TOX4: variants seen among roughly 807,000 people sequenced by gnomAD.
The protein encoded by TOX4 is TOX high mobility group box family member 4.
A neutral mutation model predicts 61.0 loss-of-function variants in TOX4; 12 were observed. The observed-to-expected ratio is 0.20, with a 90% CI of 0.13 to 0.32. The LOEUF is 0.32. Among genes scored for constraint, TOX4 ranks in the 10% least tolerant of loss-of-function variants. The probability of loss-of-function intolerance (pLI) is 1.00; values close to 1 mark genes in which losing one functional copy is unlikely to be tolerated. For missense variants in TOX4, 499 were observed against 753.3 expected (o/e 0.66, Z 3.95); for synonymous variants, 268 against 274.8 (o/e 0.98, Z 0.24).
intron 5 of TOX4, 31 bp from the exon 6 acceptor site, chr14:21,492,260 AGTTTT>A: frequency 2.7e-6 from 4 of 1,504,722 alleles, no homozygotes; most frequent in Non-Finnish European, 3.6e-6. Context: ...GAGTATGGGG[AGTTTT>A]GTTTTTTTTT....
At chr14:21,495,083 G>A (rs1891372332) in intron 7 of TOX4, 146 bp from the exon 8 acceptor site, 1 of 800,664 alleles carries the variant, frequency 1.2e-6, no homozygotes, top group African/African-American at 1.7e-5. Context: ...GGGAGACCAA[G>A]AACTCACCTT....
chr14:21,480,814 G>A (rs1200623580), intron 2 of TOX4, among the ~76,000 whole-genome samples: 1 of 152,212 alleles, frequency 6.6e-6, no homozygotes, highest in Non-Finnish European at 1.5e-5. Context: ...GCAAAGGCCA[G>A]GCGTGGTGGC....
intron 2 of TOX4, among the ~76,000 whole-genome samples, chr14:21,481,737 T>G (rs566952098): frequency 6.6e-6 from 1 of 152,346 alleles, no homozygotes; most frequent in African/African-American, 2.4e-5. Flanking sequence ...AAAGGAATAC[T>G]ACACAGATAT....
chr14:21,481,793 T>C (rs1432851188), intron 2 of TOX4, among the ~76,000 whole-genome samples: 1 of 152,196 alleles, frequency 6.6e-6, no homozygotes. Flanking sequence ...AACAATATTT[T>C]GTTGAGTAGA....
At chr14:21,488,917 G>A (rs1327828113) in intron 4 of TOX4, 67 bp downstream of exon 4, 51 of 1,583,832 alleles carry the variant, frequency 3.2e-5, no homozygotes, top group Non-Finnish European at 4.3e-5. Flanking sequence ...GGGATACAGA[G>A]CCTAATCAGT....
chr14:21,490,748 T>C lies in TOX4; in HGVS notation c.810+1345T>C, dbSNP rs144703365. 4.7e-4 allele frequency among the ~76,000 whole-genome samples: 72 copies of C among 152,354 alleles called. 1 individual carries two copies. The East Asian group carries it at 0.012, about 26-fold the overall frequency. ...TAAGTCTCATTTTTTCCCCCATTTA[T>C]AAAATTAGGCTATTACTTGATAAGC... On this transcript the variant is annotated intron_variant, in intron 5 of 8. Transcript: ENST00000448790.
chr14:21,485,841 G>A (rs1315612067), intron 2 of TOX4, among the ~76,000 whole-genome samples: 1 of 95,150 alleles, frequency 1.1e-5, no homozygotes, highest in African/African-American at 4.1e-5. Context: ...ACTCCAGCCT[G>A]GGCCACGGAG....
chr14:21,477,243 A>G lies in TOX4; in HGVS notation c.-36A>G. Reference sequence around the variant, plus strand: ...GAGTCCAGTGGGGGCGGTGGGAGCGATGAGGGTCTGAGACGGTGGGAGCGG... The same window carrying G: ...GAGTCCAGTGGGGGCGGTGGGAGCGGTGAGGGTCTGAGACGGTGGGAGCGG... On this transcript the variant is annotated 5_prime_UTR_variant, in exon 1 of 9. The change abolishes an upstream ATG in the 5' untranslated region. Coordinates refer to ENST00000448790, the MANE Select transcript of TOX4 (RefSeq NM_014828.4). 5 of 1,613,828 alleles carry G rather than the reference A, an allele frequency of 3.1e-6. No individual in the cohort carries two copies. Among genetic ancestry groups the G allele is most frequent in the Non-Finnish European group, 3.4e-6 (4 of 1,179,852 alleles).
chr14:21,492,145 C>T (rs1891303675), intron 5 of TOX4, 151 bp from the exon 6 acceptor site: 2 of 725,502 alleles, frequency 2.8e-6, no homozygotes, highest in Non-Finnish European at 4.5e-6. Flanking sequence ...GTTGTCTTGA[C>T]TGTTAGCTTT....
rs774364718 is a variant in TOX4, at chr14:21,497,951, C to T, written c.*1345C>T. 2.9e-5 allele frequency: 7 copies of T among 243,560 alleles called. No homozygotes were observed. The highest frequency in any genetic ancestry group is 4.8e-5 in the Non-Finnish European group (6 of 125,556). 15.1% of individuals were successfully genotyped at this position (243,560 alleles called of 1,614,324 possible). A position where few individuals can be genotyped will look rare whatever the true frequency, so the allele number is the denominator to read the frequency against. On this transcript the variant is annotated 3_prime_UTR_variant, in exon 9 of 9. Coordinates refer to ENST00000448790, the MANE Select transcript of TOX4 (RefSeq NM_014828.4). ...TCCTACCTCGGCTTCCCAAAGTGCT[C>T]GGATTACAGGTGTGAGCCACTGTGC...
Position 21,493,259 on chromosome 14 carries a change from T to C in TOX4, c.1641+2T>C. On this transcript the variant is annotated splice_donor_variant, in intron 7 of 8. Coordinates refer to ENST00000448790, the MANE Select transcript of TOX4 (RefSeq NM_014828.4). LOFTEE classifies it high-confidence loss of function. Reference sequence around the variant, plus strand: ...ATGATCACAGATGTAGTTCCTGAGGTGAGCCTTTGTTTTTAAGTCTTTAGT... The same window carrying C: ...ATGATCACAGATGTAGTTCCTGAGGCGAGCCTTTGTTTTTAAGTCTTTAGT... The C allele has an allele frequency of 6.3e-7, 1 of 1,596,042 alleles. No individual in the cohort carries two copies. The highest frequency in any genetic ancestry group is 8.5e-7 in the Non-Finnish European group (1 of 1,172,560).
At position 21,495,523 on chromosome 14, in the gene TOX4, C is replaced by G; in HGVS notation, c.1805+131C>G. 8 of 1,108,358 alleles carry G rather than the reference C, an allele frequency of 7.2e-6. No individual in the cohort carries two copies. In the South Asian group the frequency reaches 1.4e-4, roughly 19 times the overall value. The allele number at this position is 1,108,358 out of a possible 1,614,324, so 68.7% of individuals were successfully genotyped here. On this transcript the variant is annotated intron_variant, in intron 8 of 8. Coordinates refer to ENST00000448790, the MANE Select transcript of TOX4 (RefSeq NM_014828.4). Reference sequence around the variant, plus strand: ...GGTAGAGTAGGTTGCTGTATCTGGTCTACTAGAAAAGCTCCCCTGCTTAAG... The same window carrying G: ...GGTAGAGTAGGTTGCTGTATCTGGTGTACTAGAAAAGCTCCCCTGCTTAAG...
Position 21,495,255 on chromosome 14 carries a change from T to G in TOX4, c.1668T>G (p.Val556=). Residue 556 remains valine, a synonymous_variant, in exon 8 of 9, where the codon GTT becomes GTG. Coordinates refer to ENST00000448790, the MANE Select transcript of TOX4 (RefSeq NM_014828.4). The part of the protein sequence containing the change: ...PEVESPSQMD[V]ELVSGSPVAL... ...TTGAGTCTCCTTCTCAGATGGATGT[T>G]GAATTGGTGAGTGGGTCTCCTGTGG... is the stretch of plus-strand genomic sequence containing the variant. 6.2e-7 allele frequency: 1 copy of G among 1,614,186 alleles called. No individual in the cohort carries two copies. Among genetic ancestry groups the G allele is most frequent in the Non-Finnish European group, 8.5e-7 (1 of 1,180,028 alleles).
chr14:21,494,490 G>A, intron 7 of TOX4, among the ~76,000 whole-genome samples: 1 of 152,166 alleles, frequency 6.6e-6, no homozygotes, highest in Admixed American at 6.5e-5. Context: ...GCTCACGCCT[G>A]TAATCCCAGC....
At position 21,496,941 on chromosome 14, in the gene TOX4, AT is replaced by A. The variant is rs1891416514; in HGVS notation, c.*337del. 4.2e-6 allele frequency: 1 copy of A among 236,162 alleles called. No individual in the cohort carries two copies. Among genetic ancestry groups the A allele is most frequent in the South Asian group, 6.5e-5 (1 of 15,424 alleles). 14.6% of individuals were successfully genotyped at this position (236,162 alleles called of 1,614,324 possible). On this transcript the variant is annotated 3_prime_UTR_variant, in exon 9 of 9. Coordinates refer to ENST00000448790, the MANE Select transcript of TOX4 (RefSeq NM_014828.4). ...AATTGTCATAGGACTTGCCTAAAAT[AT>A]TATTAAAATTACGGGAGTGTACTCA...
At chr14:21,488,935 A>T in intron 4 of TOX4, 85 bp downstream of exon 4, 1 of 1,550,066 alleles carries the variant, frequency 6.5e-7, no homozygotes, top group Non-Finnish European at 8.7e-7. Context: ...AGTATTCTTT[A>T]CCCTTGCCGT....
intron 2 of TOX4, chr14:21,482,716 T>C (rs184208108): frequency 2.9e-4 from 102 of 347,286 alleles, no homozygotes; most frequent in African/African-American, 2.2e-3. Flanking sequence ...GTCTAGAGTG[T>C]GATCTGGTTA....
intron 3 of TOX4, 184 bp from the exon 4 acceptor site, chr14:21,488,406 A>G (rs561453063): frequency 1.5e-4 from 98 of 651,598 alleles, no homozygotes; most frequent in Middle Eastern, 1.1e-3. Context: ...AAGTAAATTC[A>G]TTAATTTCTG....
At position 21,492,589 on chromosome 14, in the gene TOX4, G is replaced by C. The variant is rs778443336; in HGVS notation, c.973G>C (p.Ala325Pro). 6 of 1,613,656 alleles carry C rather than the reference G, an allele frequency of 3.7e-6. No homozygotes were observed. Among genetic ancestry groups the C allele is most frequent in the Non-Finnish European group, 5.1e-6 (6 of 1,180,004 alleles). Residue 325 changes from alanine (A) to proline (P), a missense_variant, in exon 7 of 9, where the codon GCA (alanine) becomes CCA (proline). Ala to Pro is a conservative substitution (Grantham distance 27). This residue lies in a region of TOX4 where 296 missense variants were observed against 404.7 expected (regional missense o/e 0.73). Transcript: ENST00000448790. ...SPPPMATVDP[A>P]SPAPASIEPP... ...ACCTCCTATGGCTACTGTTGACCCA[G>C]CATCTCCAGCACCAGCTTCAATAGA...
Sources: allele counts gnomAD v4.1 joint callset (sites outside exome capture counted in the v4.1 genomes callset), GRCh38; gene constraint gnomAD v4.1.1; regional missense constraint gnomAD v4.1.1; transcripts MANE v1.5; gene names NCBI Gene and HGNC (gene_info 2026-07-23, HGNC 2026-07-21).